Variants in CCDC91 observed in about 807,000 individuals in gnomAD.
CCDC91 encodes the protein coiled-coil domain-containing protein 91.
In CCDC91, 48 loss-of-function variants were observed where a neutral mutation model predicts 63.2. The observed-to-expected ratio is 0.76, with a 90% confidence interval of 0.60 to 0.97. The LOEUF (loss-of-function observed/expected upper bound fraction) is 0.97, where lower values mean the gene tolerates loss of function less well. Ranked by LOEUF, CCDC91 falls within the 50% of genes least tolerant of loss-of-function variation. CCDC91 has a pLI of 0.00. For missense variants in CCDC91, 500 were observed against 494.6 expected (o/e 1.01, Z -0.10); for synonymous variants, 167 against 165.8 (o/e 1.01, Z -0.06).
At chr12:28,406,603 G>A (rs1407385833) in intron 8 of CCDC91, among the ~76,000 whole-genome samples, 2 of 151,994 alleles carry the variant, frequency 1.3e-5, no homozygotes, top group Non-Finnish European at 2.9e-5. Context: ...ATGTTTCTAA[G>A]AGCAGAAGTT....
chr12:28,482,794 A>G (rs920191730), intron 11 of CCDC91, among the ~76,000 whole-genome samples: 2 of 151,940 alleles, frequency 1.3e-5, no homozygotes, highest in Admixed American at 1.3e-4. Flanking sequence ...TCCAAAGTAA[A>G]TATCTGCAAT....
At chr12:28,468,773 G>A (rs1199093749) in intron 11 of CCDC91, among the ~76,000 whole-genome samples, 1 of 151,994 alleles carries the variant, frequency 6.6e-6, no homozygotes. Flanking sequence ...GGGATGCAAG[G>A]ACGGTTAACA....
intron 7 of CCDC91, among the ~76,000 whole-genome samples, chr12:28,366,227 A>G (rs964327088): frequency 6.6e-6 from 1 of 152,198 alleles, no homozygotes; most frequent in African/African-American, 2.4e-5. Context: ...AGAAACAGGC[A>G]GACTAGCTAG....
At chr12:28,428,886 C>G (rs1948479107) in intron 8 of CCDC91, among the ~76,000 whole-genome samples, 1 of 152,042 alleles carries the variant, frequency 6.6e-6, no homozygotes, top group South Asian at 2.1e-4. Context: ...TTAAAACTCT[C>G]AGCTTAATTT....
chr12:28,315,153 G>GTATATA lies in CCDC91; in HGVS notation c.576+7418_576+7423dup, dbSNP rs10630087. Among the ~76,000 whole-genome samples, 82 of 148,074 alleles carry GTATATA rather than the reference G, an allele frequency of 5.5e-4. No homozygotes were observed. The Middle Eastern group carries it at 0.028, about 51-fold the overall frequency. On this transcript the variant is annotated intron_variant, in intron 6 of 12. Coordinates refer to ENST00000536442, the MANE Select transcript of CCDC91 (RefSeq NM_018318.5). ...GGGTATTTTACTTAATGTGTCAGTTGTATATATATATATATATATTTTTGT... is the reference window on the plus strand; with the variant it reads ...GGGTATTTTACTTAATGTGTCAGTTGTATATATATATATATATATATATATTTTTGT...
At chr12:28,509,128 T>C (rs1259094511) in intron 12 of CCDC91, among the ~76,000 whole-genome samples, 1 of 151,930 alleles carries the variant, frequency 6.6e-6, no homozygotes, top group African/African-American at 2.4e-5. Flanking sequence ...AGTTGTGTCT[T>C]AGCATCCTCT....
intron 6 of CCDC91, among the ~76,000 whole-genome samples, chr12:28,337,315 T>G (rs1182898688): frequency 6.6e-6 from 1 of 152,170 alleles, no homozygotes; most frequent in Non-Finnish European, 1.5e-5. Flanking sequence ...GAATTCATAC[T>G]GCTCCTATAG....
At chr12:28,465,894 C>CAAA (rs1262591705) in intron 11 of CCDC91, among the ~76,000 whole-genome samples, 1 of 152,030 alleles carries the variant, frequency 6.6e-6, no homozygotes, top group Admixed American at 6.6e-5. Flanking sequence ...TTCAAAATGG[C>CAAA]TGTTTTGAGG....
intron 3 of CCDC91, among the ~76,000 whole-genome samples, chr12:28,286,870 C>A (rs2136689752): frequency 1.3e-5 from 2 of 152,250 alleles, no homozygotes; most frequent in South Asian, 4.1e-4. Context: ...ACCTAGCCAG[C>A]ATCTATTATT....
chr12:28,542,604 G>A lies in CCDC91; in HGVS notation c.1216-6459G>A, dbSNP rs75480263. On this transcript the variant is annotated intron_variant, in intron 12 of 12. Coordinates refer to ENST00000536442, the MANE Select transcript of CCDC91 (RefSeq NM_018318.5). ...TCAAAGTTAAGGCACCCAGCACTGCGTTAGTTCAAACCACTGGCCAGATTA... is the reference window on the plus strand; with the variant it reads ...TCAAAGTTAAGGCACCCAGCACTGCATTAGTTCAAACCACTGGCCAGATTA... Among the ~76,000 whole-genome samples the A allele has an allele frequency of 2.4e-3, 365 of 152,166 alleles. 12 individuals carry two copies. The East Asian group carries it at 0.061, about 26-fold the overall frequency.
At chr12:28,380,970 TATA>T (rs1169047574) in intron 7 of CCDC91, among the ~76,000 whole-genome samples, 2 of 152,108 alleles carry the variant, frequency 1.3e-5, no homozygotes, top group African/African-American at 4.8e-5. Context: ...GGCCACACAA[TATA>T]GTTGTTACAG....
At chr12:28,533,005 G>A (rs765237393) in intron 12 of CCDC91, among the ~76,000 whole-genome samples, 2 of 152,034 alleles carry the variant, frequency 1.3e-5, no homozygotes, top group African/African-American at 4.8e-5. Context: ...AGTAGCATTC[G>A]TTCATTCAGA....
chr12:28,287,197 A>G (rs1434481069), intron 3 of CCDC91, among the ~76,000 whole-genome samples: 2 of 152,036 alleles, frequency 1.3e-5, no homozygotes, highest in African/African-American at 4.8e-5. Flanking sequence ...GCTGTGCAGA[A>G]GCCCTTTAGT....
chr12:28,358,191 T>G (rs1943644554), intron 6 of CCDC91, among the ~76,000 whole-genome samples: 1 of 152,208 alleles, frequency 6.6e-6, no homozygotes, highest in Non-Finnish European at 1.5e-5. Flanking sequence ...CCAAAAAATT[T>G]TTTTAATTTA....
At chr12:28,445,414 G>A (rs779904205) in intron 8 of CCDC91, among the ~76,000 whole-genome samples, 1 of 152,118 alleles carries the variant, frequency 6.6e-6, no homozygotes, top group African/African-American at 2.4e-5. Context: ...TATGAAAGGA[G>A]ATAACAGGTG....
At chr12:28,337,568 A>G (rs1340552497) in intron 6 of CCDC91, among the ~76,000 whole-genome samples, 1 of 151,794 alleles carries the variant, frequency 6.6e-6, no homozygotes, top group Non-Finnish European at 1.5e-5. Flanking sequence ...TTATTTGAAG[A>G]GGAATTATCA....
chr12:28,376,743 T>C (rs1206249247), intron 7 of CCDC91, among the ~76,000 whole-genome samples: 5 of 151,872 alleles, frequency 3.3e-5, no homozygotes, highest in African/African-American at 1.2e-4. Flanking sequence ...TCCGTATACA[T>C]CTATTCAGTT....
At chr12:28,248,595 G>A (rs930841748) in intron 1 of CCDC91, among the ~76,000 whole-genome samples, 1 of 152,138 alleles carries the variant, frequency 6.6e-6, no homozygotes, top group Non-Finnish European at 1.5e-5. Flanking sequence ...GTTTTGAGAA[G>A]AAAAGACTAA....
chr12:28,401,760 T>C (rs1247800259), intron 8 of CCDC91, among the ~76,000 whole-genome samples: 1 of 152,172 alleles, frequency 6.6e-6, no homozygotes, highest in African/African-American at 2.4e-5. Flanking sequence ...ATGTTTTCTA[T>C]TATAGATTGT....
Sources: gnomAD v4.1 joint callset for allele counts (sites outside exome capture counted in the v4.1 genomes callset) on GRCh38, gnomAD v4.1.1 for gene constraint, MANE v1.5 for transcripts, NCBI Gene and HGNC (gene_info 2026-07-23, HGNC 2026-07-21) for gene names.